Variants in LRRC37A2 observed in about 807,000 individuals in gnomAD.
The protein encoded by LRRC37A2 is leucine-rich repeat-containing protein 37A2.
In LRRC37A2, 9 loss-of-function variants were observed where a neutral mutation model predicts 68.8. The ratio of observed to expected loss-of-function variants is 0.13; its 90% confidence interval spans 0.08 to 0.23. LRRC37A2 has a LOEUF of 0.23. LRRC37A2 is among the 10% of genes least tolerant of loss of function. The probability of loss-of-function intolerance (pLI) is 1.00; values close to 1 mark genes in which losing one functional copy is unlikely to be tolerated. For synonymous variants in LRRC37A2, 63 were observed against 367.6 expected (o/e 0.17, Z 9.48); for missense variants, 168 against 950.4 (o/e 0.18, Z 10.82).
the LRRC37A2 span, chr17:46,722,153 G>A: frequency 1.9e-6 from 3 of 1,611,756 alleles, no homozygotes; most frequent in East Asian, 2.2e-5. Context: ...CGATCTTGGC[G>A]CTCGAACTGA....
chr17:46,746,305 G>A, the LRRC37A2 span, among the ~76,000 whole-genome samples: 1 of 152,116 alleles, frequency 6.6e-6, no homozygotes, highest in African/African-American at 2.4e-5. Flanking sequence ...ATGGCTAATT[G>A]TACCAGAGGG....
At chr17:46,922,980 G>C in the LRRC37A2 span, 17 of 608,208 alleles carry the variant, frequency 2.8e-5, 1 homozygote, top group South Asian at 1.2e-4. Context: ...GTGAAGCCGA[G>C]CCTGTGACTA....
chr17:46,919,674 G>A, the LRRC37A2 span, among the ~76,000 whole-genome samples: 9 of 152,134 alleles, frequency 5.9e-5, no homozygotes, highest in Admixed American at 2.0e-4. Flanking sequence ...CTGGCCAGGC[G>A]CAGTGGCTCA....
the LRRC37A2 span, among the ~76,000 whole-genome samples, chr17:46,823,100 A>ATT: frequency 2.3e-5 from 3 of 132,390 alleles, no homozygotes; most frequent in Non-Finnish European, 4.7e-5. Context: ...TGTATTATAT[A>ATT]ATAAACACAT....
the LRRC37A2 span, among the ~76,000 whole-genome samples, chr17:46,732,173 C>T: frequency 6.6e-6 from 1 of 152,126 alleles, no homozygotes; most frequent in Non-Finnish European, 1.5e-5. Context: ...AGGAACTATA[C>T]TTATATACAC....
At chr17:46,877,465 C>T in the LRRC37A2 span, among the ~76,000 whole-genome samples, 1 of 152,196 alleles carries the variant, frequency 6.6e-6, no homozygotes, top group Non-Finnish European at 1.5e-5. Context: ...TCAAAACTAC[C>T]ACCAGTGCAG....
chr17:47,027,400 T>C, the LRRC37A2 span, among the ~76,000 whole-genome samples: 39 of 152,252 alleles, frequency 2.6e-4, no homozygotes, highest in Middle Eastern at 3.4e-3. Context: ...GAGGTATGGG[T>C]AGGGTTAGGG....
chr17:46,893,293 T>G, the LRRC37A2 span, among the ~76,000 whole-genome samples: 1 of 152,176 alleles, frequency 6.6e-6, no homozygotes, highest in Non-Finnish European at 1.5e-5. Context: ...TTCAAATATT[T>G]CATAGCAATC....
the LRRC37A2 span, among the ~76,000 whole-genome samples, chr17:46,959,826 G>A: frequency 6.6e-6 from 1 of 152,150 alleles, no homozygotes; most frequent in Non-Finnish European, 1.5e-5. Context: ...GTCCTCAGAA[G>A]CCATTCTTCC....
chr17:46,958,399 G>A, the LRRC37A2 span, among the ~76,000 whole-genome samples: 2 of 152,232 alleles, frequency 1.3e-5, no homozygotes, highest in Non-Finnish European at 2.9e-5. Flanking sequence ...GAAGACTGGG[G>A]GTGGGAAACG....
the LRRC37A2 span, among the ~76,000 whole-genome samples, chr17:46,953,924 T>G: frequency 2.6e-5 from 4 of 152,356 alleles, no homozygotes; most frequent in Admixed American, 2.6e-4. Flanking sequence ...CATTGTAGAT[T>G]CTTGATATTA....
At chr17:46,987,015 G>A in the LRRC37A2 span, among the ~76,000 whole-genome samples, 1 of 152,192 alleles carries the variant, frequency 6.6e-6, no homozygotes, top group South Asian at 2.1e-4. Flanking sequence ...GGAGGCCGAG[G>A]TGGGCGGATC....
At chr17:47,024,038 A>G in the LRRC37A2 span, among the ~76,000 whole-genome samples, 1 of 152,218 alleles carries the variant, frequency 6.6e-6, no homozygotes, top group South Asian at 2.1e-4. Flanking sequence ...CGATGTTTAC[A>G]TGGGTATCTG....
chr17:46,845,972 G>A, the LRRC37A2 span, among the ~76,000 whole-genome samples: 1 of 151,958 alleles, frequency 6.6e-6, no homozygotes, highest in Non-Finnish European at 1.5e-5. Context: ...TGTATTTTCA[G>A]CAGAGATGGG....
chr17:46,979,080 A>G, the LRRC37A2 span: 1 of 1,307,178 alleles, frequency 7.7e-7, no homozygotes, highest in African/African-American at 1.6e-5. Context: ...CCGCGCTCTC[A>G]GGGACGCTCC....
At chr17:46,741,305 G>A in the LRRC37A2 span, among the ~76,000 whole-genome samples, 46 of 152,206 alleles carry the variant, frequency 3.0e-4, no homozygotes, top group Middle Eastern at 3.4e-3. Context: ...TTCACAAATT[G>A]GAATTAGATA....
At chr17:46,884,984 A>G in the LRRC37A2 span, 2 of 426,362 alleles carry the variant, frequency 4.7e-6, no homozygotes, top group Non-Finnish European at 4.6e-6. Flanking sequence ...TCCCTCTTTT[A>G]TATTTCCTTA....
At chr17:46,528,733 A>G (rs4271631) in intron 6 of LRRC37A2, 2 of 672,258 alleles carry the variant, frequency 3.0e-6, no homozygotes, top group African/African-American at 2.0e-5. Context: ...TCAAAAAAAA[A>G]AAAAAAAAGG....
At chr17:46,876,663 A>G in the LRRC37A2 span, 1 of 1,597,714 alleles carries the variant, frequency 6.3e-7, no homozygotes, top group African/African-American at 1.3e-5. Flanking sequence ...TGGTGCTGCT[A>G]CGTGGAGTGC....
Sources: gnomAD v4.1 joint callset for allele counts (sites outside exome capture counted in the v4.1 genomes callset) on GRCh38, gnomAD v4.1.1 for gene constraint, MANE v1.5 for transcripts, NCBI Gene and HGNC (gene_info 2026-07-23, HGNC 2026-07-21) for gene names.